TXNRD1: variants seen among roughly 807,000 people sequenced by gnomAD.
TXNRD1 encodes the protein thioredoxin reductase 1, cytoplasmic.
Under a neutral mutation model 80.3 loss-of-function variants are expected in TXNRD1, and 57 were observed. The ratio of observed to expected loss-of-function variants is 0.71; its 90% CI spans 0.57 to 0.89. The LOEUF is 0.89. Among genes scored for constraint, TXNRD1 ranks in the 40% least tolerant of loss-of-function variants. TXNRD1 has a pLI of 0.00. For missense variants in TXNRD1, 730 were observed against 803.0 expected, an observed-to-expected ratio of 0.91 and a Z score of 1.10; for synonymous variants, 291 against 285.2, an observed-to-expected ratio of 1.02 and a Z score of -0.20.
At chr12:104,332,711 T>C (rs35090883) in intron 14 of TXNRD1, among the ~76,000 whole-genome samples, 1,800 of 137,808 alleles carry the variant, frequency 0.013, 33 homozygotes, top group African/African-American at 0.044. Flanking sequence ...ATTGCGCCAT[T>C]GCACTCCAGC....
At chr12:104,313,549 A>G (rs2035214751) in intron 6 of TXNRD1, among the ~76,000 whole-genome samples, 1 of 152,246 alleles carries the variant, frequency 6.6e-6, no homozygotes, top group Admixed American at 6.5e-5. Context: ...TCTACAAGCT[A>G]TGATTTAAAG....
intron 4 of TXNRD1, among the ~76,000 whole-genome samples, chr12:104,297,328 A>G (rs2034469228): frequency 2.0e-5 from 3 of 151,380 alleles, no homozygotes; most frequent in African/African-American, 7.2e-5. Flanking sequence ...AAAAAGTAAT[A>G]TACAAACACT....
At chr12:104,311,194 C>T in intron 4 of TXNRD1, 96 bp from the exon 5 acceptor site, 1 of 1,358,540 alleles carries the variant, frequency 7.4e-7, no homozygotes, top group South Asian at 1.5e-5. Context: ...TTGAAAATTC[C>T]TTTTGTTTTT....
intron 2 of TXNRD1, among the ~76,000 whole-genome samples, chr12:104,255,125 T>TA (rs2033221300): frequency 6.6e-6 from 1 of 151,688 alleles, no homozygotes. Flanking sequence ...ATAAAAAAAA[T>TA]AAAAATTAAG....
intron 8 of TXNRD1, 64 bp from the exon 9 acceptor site, chr12:104,319,406 C>A: frequency 9.4e-7 from 1 of 1,058,946 alleles, no homozygotes; most frequent in Non-Finnish European, 1.4e-6. Flanking sequence ...CCTTTGTTAA[C>A]TATGAAGTTT....
At chr12:104,290,991 A>G in intron 4 of TXNRD1, 1 of 660,290 alleles carries the variant, frequency 1.5e-6, no homozygotes. Context: ...TTTTTTCTTT[A>G]GAGATGGAGG....
Position 104,339,204 on chromosome 12 carries a change from T to C in TXNRD1, c.1812T>C (p.Ala604=). Residue 604 remains alanine, a synonymous_variant, in exon 16 of 17, where the codon GCT becomes GCC. Coordinates refer to ENST00000525566, the MANE Select transcript of TXNRD1 (RefSeq NM_001093771.3). ...GAGAAGTTACACAAGGCTTTGCAGC[T>C]GCGCTCAAATGTGGACTGACCAAAA... ...NAGEVTQGFA[A]ALKCGLTKKQ... The C allele has an allele frequency of 1.9e-6, 3 of 1,613,992 alleles. No individual in the cohort carries two copies. The highest frequency in any genetic ancestry group is 2.5e-6 in the Non-Finnish European group (3 of 1,179,884).
At position 104,321,239 on chromosome 12, in the gene TXNRD1, C is replaced by A. The variant is rs753915216; in HGVS notation, c.1138C>A (p.Gln380Lys). 6.2e-7 allele frequency: 1 copy of A among 1,613,628 alleles called. No homozygotes were observed. Among genetic ancestry groups the A allele is most frequent in the African/African-American group, 1.3e-5 (1 of 74,828 alleles). Residue 380 changes from glutamine (Q) to lysine (K), a missense_variant, in exon 10 of 17, where the codon CAG (glutamine) becomes AAG (lysine). Physicochemically the swap from Gln to Lys is moderately conservative, Grantham distance 53. Coordinates refer to ENST00000525566, the MANE Select transcript of TXNRD1 (RefSeq NM_001093771.3). ...GTCCATTCTTCTTAGAGGATTTGACCAGGACATGGCCAACAAAATTGGTGA... is the reference window on the plus strand; with the variant it reads ...GTCCATTCTTCTTAGAGGATTTGACAAGGACATGGCCAACAAAATTGGTGA... ...VRSILLRGFD[Q>K]DMANKIGEHM... is the part of the protein sequence containing the mutation.
At chr12:104,317,945 GC>G (rs1448760922) in intron 7 of TXNRD1, among the ~76,000 whole-genome samples, 2 of 152,214 alleles carry the variant, frequency 1.3e-5, no homozygotes, top group Non-Finnish European at 2.9e-5. Flanking sequence ...TTTGAGACCA[GC>G]CTGGCCAACA....
intron 1 of TXNRD1, among the ~76,000 whole-genome samples, chr12:104,238,704 A>G (rs543958748): frequency 5.9e-5 from 9 of 152,300 alleles, no homozygotes; most frequent in African/African-American, 2.2e-4. Flanking sequence ...TCATATGTTT[A>G]ATCAACCTGT....
At chr12:104,265,142 C>T (rs184531860) in intron 3 of TXNRD1, among the ~76,000 whole-genome samples, 2 of 151,932 alleles carry the variant, frequency 1.3e-5, no homozygotes, top group East Asian at 3.9e-4. Context: ...GTCCCAACTA[C>T]TTGGGAGGCT....
At chr12:104,281,856 CTGA>C (rs2033887008) in intron 3 of TXNRD1, among the ~76,000 whole-genome samples, 1 of 152,124 alleles carries the variant, frequency 6.6e-6, no homozygotes. Flanking sequence ...TGACTATGGC[CTGA>C]TGATGGATGT....
chr12:104,239,435 T>G (rs2032812051), intron 1 of TXNRD1, among the ~76,000 whole-genome samples: 1 of 152,146 alleles, frequency 6.6e-6, no homozygotes, highest in Non-Finnish European at 1.5e-5. Flanking sequence ...CCTCAGATGA[T>G]CCTCCTGCCT....
rs1177915342 is a variant in TXNRD1, at chr12:104,304,008, C to G, written c.415-7282C>G. 1.2e-5 allele frequency: 20 copies of G among 1,611,276 alleles called. No individual in the cohort carries two copies. The highest frequency in any genetic ancestry group is 1.7e-5 in the Non-Finnish European group (20 of 1,179,814). Reference sequence around the variant, plus strand: ...AGCTCTGGGGAGGCCGACGTAGACCCAAAGCTCCTGGAGCTCACCGCTGAC... The same window carrying G: ...AGCTCTGGGGAGGCCGACGTAGACCGAAAGCTCCTGGAGCTCACCGCTGAC... On this transcript the variant is annotated intron_variant, in intron 4 of 16. Coordinates refer to ENST00000525566, the MANE Select transcript of TXNRD1 (RefSeq NM_001093771.3).
intron 16 of TXNRD1, among the ~76,000 whole-genome samples, chr12:104,339,995 C>G (rs1437350130): frequency 6.6e-6 from 1 of 152,214 alleles, no homozygotes; most frequent in Non-Finnish European, 1.5e-5. Context: ...TCCAGCAGCT[C>G]CATGACTGGT....
At chr12:104,256,908 C>T (rs972649073) in intron 2 of TXNRD1, among the ~76,000 whole-genome samples, 1 of 150,402 alleles carries the variant, frequency 6.6e-6, no homozygotes, top group Non-Finnish European at 1.5e-5. Context: ...TCCGAGTGTA[C>T]TTCCATACAA....
chr12:104,318,492 T>C (rs1227400868), intron 7 of TXNRD1, among the ~76,000 whole-genome samples: 2 of 152,242 alleles, frequency 1.3e-5, no homozygotes, highest in Non-Finnish European at 2.9e-5. Context: ...ATGGGCTGGA[T>C]TGGCCCATGG....
At chr12:104,328,254 C>T (rs1373602377) in intron 13 of TXNRD1, among the ~76,000 whole-genome samples, 1 of 151,574 alleles carries the variant, frequency 6.6e-6, no homozygotes, top group African/African-American at 2.4e-5. Context: ...GTTTTCAGCA[C>T]TGTTGTTGAA....
At chr12:104,226,441 C>G (rs1389649878) in intron 1 of TXNRD1, among the ~76,000 whole-genome samples, 1 of 152,006 alleles carries the variant, frequency 6.6e-6, no homozygotes. Context: ...AGCAGAAGAG[C>G]CTGATATAAT....
Sources: allele counts gnomAD v4.1 joint callset (sites outside exome capture counted in the v4.1 genomes callset), GRCh38; gene constraint gnomAD v4.1.1; transcripts MANE v1.5; gene names NCBI Gene and HGNC (gene_info 2026-07-23, HGNC 2026-07-21).